The following PDZRN4 variants were observed in gnomAD, a reference collection of about 807,000 sequenced individuals.
The protein encoded by PDZRN4 is PDZ domain-containing RING finger protein 4.
Under a neutral mutation model 99.0 loss-of-function variants are expected in PDZRN4, and 70 were observed. The ratio of observed to expected loss-of-function variants is 0.71; its 90% CI spans 0.58 to 0.86. PDZRN4 has a LOEUF of 0.86. Ranked by LOEUF, PDZRN4 falls within the 40% of genes least tolerant of loss-of-function variation. PDZRN4 has a pLI of 0.00. For missense variants in PDZRN4, 1,474 were observed against 1,331.2 expected (o/e 1.11, Z -1.67); for synonymous variants, 551 against 501.6 (o/e 1.10, Z -1.32).
chr12:41,472,280 G>A (rs1198384358), intron 3 of PDZRN4, among the ~76,000 whole-genome samples: 2 of 152,148 alleles, frequency 1.3e-5, no homozygotes, highest in Non-Finnish European at 2.9e-5. Flanking sequence ...CGGGATTACA[G>A]GCATGAGCCA....
chr12:41,277,668 A>T (rs1951357905), intron 3 of PDZRN4, among the ~76,000 whole-genome samples: 1 of 152,228 alleles, frequency 6.6e-6, no homozygotes, highest in Non-Finnish European at 1.5e-5. Context: ...ATCTAGAGTT[A>T]CTGCTGGAAC....
intron 3 of PDZRN4, among the ~76,000 whole-genome samples, chr12:41,415,132 C>T (rs1284588502): frequency 6.6e-6 from 1 of 152,014 alleles, no homozygotes; most frequent in East Asian, 1.9e-4. Context: ...AATATACCTC[C>T]ATTGAGATGA....
intron 3 of PDZRN4, among the ~76,000 whole-genome samples, chr12:41,406,940 G>T (rs1952355028): frequency 6.7e-6 from 1 of 150,274 alleles, no homozygotes; most frequent in Non-Finnish European, 1.5e-5. Context: ...AAAAGAAAGA[G>T]AAAAATGCAA....
chr12:41,301,183 G>A (rs191053115), intron 3 of PDZRN4, among the ~76,000 whole-genome samples: 166 of 152,078 alleles, frequency 1.1e-3, no homozygotes, highest in African/African-American at 3.7e-3. Context: ...TTTCAAAGGG[G>A]GATGGGGGAA....
At chr12:41,390,813 T>C (rs1565570117) in intron 3 of PDZRN4, among the ~76,000 whole-genome samples, 1 of 152,104 alleles carries the variant, frequency 6.6e-6, no homozygotes, top group Non-Finnish European at 1.5e-5. Context: ...GCAAACAACT[T>C]GGTAATAATA....
At position 41,509,801 on chromosome 12, in the gene PDZRN4, T is replaced by A; in HGVS notation, c.1101-10T>A. The A allele has an allele frequency of 7.5e-7, 1 of 1,332,976 alleles. No homozygotes were observed. Among genetic ancestry groups the A allele is most frequent in the Non-Finnish European group, 1.1e-6 (1 of 938,932 alleles). 82.6% of individuals were successfully genotyped at this position (1,332,976 alleles called of 1,614,324 possible). A position where few individuals can be genotyped will look rare whatever the true frequency, so the allele number is the denominator to read the frequency against. On this transcript the variant is annotated splice_polypyrimidine_tract_variant and intron_variant, in intron 4 of 9. Transcript: ENST00000402685. ...AATCTATTCCTATCATATTGCTACATTCCCCATAGCTGCCATTCTCTACAT... is the reference window on the plus strand; with the variant it reads ...AATCTATTCCTATCATATTGCTACAATCCCCATAGCTGCCATTCTCTACAT...
At chr12:41,233,897 G>A (rs4506713) in intron 3 of PDZRN4, among the ~76,000 whole-genome samples, 94,853 of 151,422 alleles carry the variant, frequency 0.63, 29,934 homozygotes, top group East Asian at 0.73. Flanking sequence ...TATGTAACAA[G>A]CCTGCATGTT....
intron 3 of PDZRN4, among the ~76,000 whole-genome samples, chr12:41,501,862 T>C (rs1938116754): frequency 6.6e-6 from 1 of 152,146 alleles, no homozygotes; most frequent in Non-Finnish European, 1.5e-5. Flanking sequence ...TGGTTTCCTA[T>C]GATCAATTTT....
chr12:41,545,514 TG>T (rs1938932694), intron 5 of PDZRN4, among the ~76,000 whole-genome samples: 1 of 39,368 alleles, frequency 2.5e-5, no homozygotes, highest in African/African-American at 1.8e-4. Flanking sequence ...TATTAATGTG[TG>T]TGTGTGTGTG....
At chr12:41,193,737 C>G (rs146586241) in intron 2 of PDZRN4, among the ~76,000 whole-genome samples, 1 of 152,146 alleles carries the variant, frequency 6.6e-6, no homozygotes, top group African/African-American at 2.4e-5. Flanking sequence ...ACCTTATCAC[C>G]CTTTTACTTG....
chr12:41,499,103 C>A (rs1288458285), intron 3 of PDZRN4, among the ~76,000 whole-genome samples: 2 of 151,938 alleles, frequency 1.3e-5, no homozygotes, highest in African/African-American at 2.4e-5. Context: ...ACCTGTAGAC[C>A]TGGAGAGTGA....
At chr12:41,253,583 G>C (rs1472066139) in intron 3 of PDZRN4, among the ~76,000 whole-genome samples, 1 of 152,090 alleles carries the variant, frequency 6.6e-6, no homozygotes, top group Non-Finnish European at 1.5e-5. Flanking sequence ...CAGGATGGAG[G>C]TTCCTCAAAA....
intron 3 of PDZRN4, among the ~76,000 whole-genome samples, chr12:41,235,569 T>C (rs1053756105): frequency 1.3e-5 from 2 of 152,116 alleles, no homozygotes; most frequent in Non-Finnish European, 2.9e-5. Context: ...ACTAGACACA[T>C]AAGTTAATTT....
intron 3 of PDZRN4, among the ~76,000 whole-genome samples, chr12:41,237,194 G>A (rs1287924243): frequency 6.6e-6 from 1 of 151,976 alleles, no homozygotes; most frequent in Non-Finnish European, 1.5e-5. Context: ...GGGAAAAATG[G>A]GAATCTAGAG....
chr12:41,221,525 T>C (rs537125120), intron 3 of PDZRN4, among the ~76,000 whole-genome samples: 1 of 152,194 alleles, frequency 6.6e-6, no homozygotes, highest in South Asian at 2.1e-4. Context: ...GTGGGTTTTT[T>C]TTTATTACCT....
chr12:41,215,583 G>A (rs891555585), intron 3 of PDZRN4, among the ~76,000 whole-genome samples: 2 of 151,998 alleles, frequency 1.3e-5, no homozygotes, highest in African/African-American at 4.8e-5. Context: ...CATTCTGGCT[G>A]ATAATTCACT....
chr12:41,502,236 C>T lies in PDZRN4; in HGVS notation c.844-4220C>T, dbSNP rs534015285. ...AATGGCACAAACCTTTTCAGTTGTA[C>T]ACTAGTTGCCCGGTTACAATGGAAA... On this transcript the variant is annotated intron_variant, in intron 3 of 9. Coordinates refer to ENST00000402685, the MANE Select transcript of PDZRN4 (RefSeq NM_001164595.2). Among the ~76,000 whole-genome samples, 49 of 152,182 alleles carry T rather than the reference C, an allele frequency of 3.2e-4. 1 individual carries two copies. The highest frequency in any genetic ancestry group is 3.1e-3 in the Admixed American group (47 of 15,252).
chr12:41,189,869 C>T (rs1160612105), intron 1 of PDZRN4, among the ~76,000 whole-genome samples: 5 of 152,142 alleles, frequency 3.3e-5, no homozygotes, highest in Non-Finnish European at 1.5e-5. Flanking sequence ...CTGCGAGCCC[C>T]CAGGCAGCGG....
At chr12:41,470,656 G>A (rs953350892) in intron 3 of PDZRN4, among the ~76,000 whole-genome samples, 6 of 151,636 alleles carry the variant, frequency 4.0e-5, no homozygotes, top group African/African-American at 1.5e-4. Flanking sequence ...TCCCCCTCCC[G>A]CCACCCCACA....
Sources: gnomAD v4.1 joint callset for allele counts (sites outside exome capture counted in the v4.1 genomes callset) on GRCh38, gnomAD v4.1.1 for gene constraint, MANE v1.5 for transcripts, NCBI Gene and HGNC (gene_info 2026-07-23, HGNC 2026-07-21) for gene names.